The following KCNIP4 variants were observed in gnomAD, a reference collection of about 807,000 sequenced individuals.
The protein encoded by KCNIP4 is potassium voltage-gated channel interacting protein 4.
In KCNIP4, 12 loss-of-function variants were observed where a neutral mutation model predicts 34.0. The observed-to-expected ratio is 0.35, with a 90% confidence interval of 0.23 to 0.57. The LOEUF (loss-of-function observed/expected upper bound fraction) is 0.57. Ranked by LOEUF, KCNIP4 falls within the 20% of genes least tolerant of loss-of-function variation. The pLI, the probability that KCNIP4 is intolerant of heterozygous loss-of-function variation, is 0.83. For synonymous variants in KCNIP4, 124 were observed against 102.2 expected (o/e 1.21, Z -1.29); for missense variants, 238 against 311.7 (o/e 0.76, Z 1.78).
intron 1 of KCNIP4, among the ~76,000 whole-genome samples, chr4:21,341,057 G>T (rs575257911): frequency 6.6e-6 from 1 of 152,212 alleles, no homozygotes; most frequent in Admixed American, 6.6e-5. Context: ...ATAAGACCAT[G>T]TGAAAACACA....
intron 5 of KCNIP4, among the ~76,000 whole-genome samples, chr4:20,743,279 C>G (rs931374457): frequency 6.6e-6 from 1 of 152,116 alleles, no homozygotes; most frequent in African/African-American, 2.4e-5. Flanking sequence ...CTTTAAAGTT[C>G]ATATGGAACC....
intron 1 of KCNIP4, among the ~76,000 whole-genome samples, chr4:21,476,758 TTTC>T (rs1731015876): frequency 6.6e-6 from 1 of 152,232 alleles, no homozygotes; most frequent in Admixed American, 6.5e-5. Flanking sequence ...GATATTCATG[TTTC>T]TTTTTGTTAG....
At chr4:20,894,039 C>A (rs567809779) in intron 1 of KCNIP4, among the ~76,000 whole-genome samples, 5 of 152,144 alleles carry the variant, frequency 3.3e-5, no homozygotes, top group Admixed American at 2.6e-4. Context: ...TGCCACCACA[C>A]CCGACTAATT....
intron 1 of KCNIP4, among the ~76,000 whole-genome samples, chr4:21,356,328 A>G (rs567588021): frequency 6.6e-6 from 1 of 152,298 alleles, no homozygotes; most frequent in East Asian, 1.9e-4. Flanking sequence ...CAGGGCAATC[A>G]GGCAAGAGAA....
chr4:21,757,202 A>AAGGAAG lies in KCNIP4; in HGVS notation c.61+191368_61+191369insCTTCCT, dbSNP rs1560691474. Among the ~76,000 whole-genome samples, 15 of 26,054 alleles carry AAGGAAG rather than the reference A, an allele frequency of 5.8e-4. 3 individuals are homozygous for AAGGAAG. Among genetic ancestry groups the AAGGAAG allele is most frequent in the African/African-American group, 4.7e-3 (15 of 3,210 alleles). 17.1% of individuals were successfully genotyped at this position (26,054 alleles called of 152,430 possible). A position where few individuals can be genotyped will look rare whatever the true frequency, so the allele number is the denominator to read the frequency against. ...AGGAAGGAAGGAAGGAAGGAAGGAA[A>AAGGAAG]GAAAGAAAGAAAGAAAGAAAGAAAG... On this transcript the variant is annotated intron_variant, in intron 1 of 8. Coordinates refer to ENST00000382152, the MANE Select transcript of KCNIP4 (RefSeq NM_025221.6).
In KCNIP4 at chr4:20,784,735, C is replaced by A. The variant is rs557610436; in HGVS notation, c.289-25845G>T. Among the ~76,000 whole-genome samples the A allele has an allele frequency of 9.2e-5, 14 of 152,224 alleles. No homozygotes were observed. In the South Asian group the frequency reaches 2.9e-3, roughly 32 times the overall value. ...AAGGGATATAAAATTGGCACAGCAT[C>A]TTTCTTGCTGTCAGTTGGCTCACAA... On this transcript the variant is annotated intron_variant, in intron 3 of 8. Coordinates refer to ENST00000382152, the MANE Select transcript of KCNIP4 (RefSeq NM_025221.6).
At chr4:21,208,370 C>T (rs1192676058) in intron 1 of KCNIP4, among the ~76,000 whole-genome samples, 1 of 152,160 alleles carries the variant, frequency 6.6e-6, no homozygotes, top group African/African-American at 2.4e-5. Flanking sequence ...TCAAGTGGGT[C>T]AATGCAGTCT....
At chr4:21,692,099 C>T (rs779734235) in intron 1 of KCNIP4, among the ~76,000 whole-genome samples, 8 of 152,086 alleles carry the variant, frequency 5.3e-5, no homozygotes, top group Admixed American at 1.3e-4. Context: ...TAAGAGTTTA[C>T]CACGTCTAAG....
chr4:21,204,470 C>T (rs1003407752), intron 1 of KCNIP4, among the ~76,000 whole-genome samples: 7 of 152,104 alleles, frequency 4.6e-5, no homozygotes, highest in Non-Finnish European at 1.0e-4. Flanking sequence ...AGTGGAAATA[C>T]GGTGGGATTA....
At chr4:21,890,215 A>G (rs1727013185) in intron 1 of KCNIP4, among the ~76,000 whole-genome samples, 1 of 152,172 alleles carries the variant, frequency 6.6e-6, no homozygotes, top group South Asian at 2.1e-4. Context: ...GTGAAAAGCA[A>G]TTAAAATGTT....
In KCNIP4 at chr4:20,934,724, T is replaced by C. The variant is rs1011999465; in HGVS notation, c.62-52015A>G. Among the ~76,000 whole-genome samples, 9 of 152,090 alleles carry C rather than the reference T, an allele frequency of 5.9e-5. No individual in the cohort carries two copies. In the East Asian group the frequency reaches 1.7e-3, roughly 29 times the overall value. On this transcript the variant is annotated intron_variant, in intron 1 of 8. Coordinates refer to ENST00000382152, the MANE Select transcript of KCNIP4 (RefSeq NM_025221.6). ...AAAAATAAGTAAAAAATATAAACAG[T>C]TTATCATATGGCTCTAAGTGCTATG...
chr4:21,453,600 C>G (rs1728689369), intron 1 of KCNIP4, among the ~76,000 whole-genome samples: 1 of 151,986 alleles, frequency 6.6e-6, no homozygotes, highest in African/African-American at 2.4e-5. Context: ...CTCACTCAAG[C>G]CTCATCACAG....
At chr4:21,700,565 T>G (rs978176817) in intron 1 of KCNIP4, among the ~76,000 whole-genome samples, 35 of 152,092 alleles carry the variant, frequency 2.3e-4, no homozygotes, top group African/African-American at 7.5e-4. Flanking sequence ...TGTTGTTTTT[T>G]TTTGTTTGTT....
chr4:20,780,640 C>A (rs1291537444), intron 3 of KCNIP4, among the ~76,000 whole-genome samples: 2 of 152,192 alleles, frequency 1.3e-5, no homozygotes, highest in African/African-American at 4.8e-5. Flanking sequence ...TCAAATGATG[C>A]AGGCTTTTCC....
chr4:21,098,796 GTAATTATTTAA>G (rs1373945827), intron 1 of KCNIP4, among the ~76,000 whole-genome samples: 2 of 151,966 alleles, frequency 1.3e-5, no homozygotes, highest in African/African-American at 2.4e-5. Context: ...ATTTTCTCAT[GTAATTATTTAA>G]TACAAGGACA....
chr4:21,808,832 C>T (rs1386275444), intron 1 of KCNIP4, among the ~76,000 whole-genome samples: 1 of 152,190 alleles, frequency 6.6e-6, no homozygotes, highest in Non-Finnish European at 1.5e-5. Context: ...AATCTGCACT[C>T]AGCACTAGAA....
At chr4:20,733,800 A>C (rs1392710757) in intron 6 of KCNIP4, among the ~76,000 whole-genome samples, 2 of 152,208 alleles carry the variant, frequency 1.3e-5, no homozygotes, top group African/African-American at 4.8e-5. Flanking sequence ...AGTGATACCT[A>C]TTCTGGCCCC....
intron 1 of KCNIP4, among the ~76,000 whole-genome samples, chr4:21,934,279 T>C (rs1232160827): frequency 6.6e-6 from 1 of 152,024 alleles, no homozygotes. Flanking sequence ...TATCAGGCAC[T>C]AGTTTGTCCA....
At chr4:21,023,187 TA>T (rs530185314) in intron 1 of KCNIP4, among the ~76,000 whole-genome samples, 16 of 152,244 alleles carry the variant, frequency 1.1e-4, no homozygotes, top group Non-Finnish European at 1.9e-4. Flanking sequence ...CATTAACTAG[TA>T]GTCATTATAA....
Sources: gnomAD v4.1 joint callset for allele counts (sites outside exome capture counted in the v4.1 genomes callset) on GRCh38, gnomAD v4.1.1 for gene constraint, MANE v1.5 for transcripts, NCBI Gene and HGNC (gene_info 2026-07-23, HGNC 2026-07-21) for gene names.